ZNF385D: variants seen among roughly 807,000 people sequenced by gnomAD.
ZNF385D encodes the protein zinc finger protein 659.
A neutral mutation model predicts 35.8 loss-of-function variants in ZNF385D; 15 were observed. The observed-to-expected ratio is 0.42, with a 90% CI of 0.28 to 0.64. The LOEUF (loss-of-function observed/expected upper bound fraction) is 0.64. Among genes scored for constraint, ZNF385D ranks in the 30% least tolerant of loss-of-function variants. ZNF385D has a pLI of 0.23. For synonymous variants in ZNF385D, 212 were observed against 186.8 expected (o/e 1.13, Z -1.10); for missense variants, 474 against 494.6 (o/e 0.96, Z 0.39).
chr3:21,582,831 G>A (rs1003449545), intron 2 of ZNF385D, among the ~76,000 whole-genome samples: 6 of 152,084 alleles, frequency 3.9e-5, no homozygotes, highest in Middle Eastern at 3.4e-3. Context: ...AGGCTGGAGT[G>A]CAGTGGCGCC....
intron 2 of ZNF385D, among the ~76,000 whole-genome samples, chr3:22,221,060 T>C (rs1046565594): frequency 2.0e-5 from 3 of 152,116 alleles, no homozygotes; most frequent in Non-Finnish European, 4.4e-5. Context: ...CAATAGCATA[T>C]AATCAGATCT....
At chr3:22,248,323 T>G (rs1699895773) in intron 2 of ZNF385D, among the ~76,000 whole-genome samples, 1 of 152,168 alleles carries the variant, frequency 6.6e-6, no homozygotes, top group South Asian at 2.1e-4. Flanking sequence ...TTGATGAAAT[T>G]GAACTTTCCT....
At chr3:21,951,876 T>C (rs2125299725) in intron 3 of ZNF385D, among the ~76,000 whole-genome samples, 1 of 151,826 alleles carries the variant, frequency 6.6e-6, no homozygotes, top group Admixed American at 6.6e-5. Flanking sequence ...AGAAAAACTT[T>C]CCATTTCTGC....
intron 3 of ZNF385D, among the ~76,000 whole-genome samples, chr3:22,076,190 G>C (rs1026896633): frequency 3.3e-5 from 5 of 151,740 alleles, no homozygotes; most frequent in Admixed American, 1.3e-4. Flanking sequence ...ATCAGATCTT[G>C]TAACTCACCA....
intron 3 of ZNF385D, among the ~76,000 whole-genome samples, chr3:21,818,549 C>T (rs1020312169): frequency 2.0e-5 from 3 of 151,962 alleles, no homozygotes; most frequent in Non-Finnish European, 4.4e-5. Context: ...AGAGAGATAT[C>T]CCAAAATATT....
chr3:21,993,931 C>T (rs987899179), intron 3 of ZNF385D, among the ~76,000 whole-genome samples: 3 of 152,104 alleles, frequency 2.0e-5, no homozygotes, highest in Non-Finnish European at 2.9e-5. Flanking sequence ...CATCATGTCC[C>T]CTCAATTAAG....
At chr3:21,731,678 C>T (rs528629465) in intron 1 of ZNF385D, among the ~76,000 whole-genome samples, 4 of 152,128 alleles carry the variant, frequency 2.6e-5, no homozygotes, top group Admixed American at 2.0e-4. Flanking sequence ...TGTCCTATAA[C>T]CCCTGGCAAT....
At chr3:22,182,987 G>A (rs1695386197) in intron 2 of ZNF385D, among the ~76,000 whole-genome samples, 1 of 152,020 alleles carries the variant, frequency 6.6e-6, no homozygotes, top group Admixed American at 6.6e-5. Flanking sequence ...AAATGTGAAA[G>A]ATTAAGTATT....
intron 1 of ZNF385D, among the ~76,000 whole-genome samples, chr3:21,736,661 A>T (rs1252806122): frequency 6.6e-6 from 1 of 152,184 alleles, no homozygotes; most frequent in Admixed American, 6.5e-5. Context: ...TTTTTGAATA[A>T]CCAGACTAAC....
intron 3 of ZNF385D, among the ~76,000 whole-genome samples, chr3:22,107,844 G>C (rs558822354): frequency 6.6e-6 from 1 of 152,014 alleles, no homozygotes; most frequent in African/African-American, 2.4e-5. Context: ...GGCATGGTTT[G>C]AATGTGTCTG....
At chr3:22,338,634 A>AT (rs1306975350) in intron 2 of ZNF385D, among the ~76,000 whole-genome samples, 1 of 151,432 alleles carries the variant, frequency 6.6e-6, no homozygotes, top group African/African-American at 2.4e-5. Context: ...ATGTAACAAG[A>AT]TTTTTAGTTT....
intron 3 of ZNF385D, among the ~76,000 whole-genome samples, chr3:22,108,874 C>T (rs914253068): frequency 5.3e-5 from 8 of 151,806 alleles, no homozygotes; most frequent in Non-Finnish European, 7.4e-5. Context: ...TAGCTGTGTG[C>T]GGTGGTAGGT....
intron 3 of ZNF385D, among the ~76,000 whole-genome samples, chr3:22,038,194 A>G (rs1271688753): frequency 6.6e-6 from 1 of 152,206 alleles, no homozygotes; most frequent in Non-Finnish European, 1.5e-5. Flanking sequence ...AACAAGATGA[A>G]TAATGACACA....
chr3:21,894,995 A>G (rs750777879), intron 3 of ZNF385D, among the ~76,000 whole-genome samples: 3 of 152,144 alleles, frequency 2.0e-5, no homozygotes, highest in Non-Finnish European at 2.9e-5. Flanking sequence ...TAATGATGGC[A>G]TGCATAAAGT....
chr3:21,895,315 G>T, intron 3 of ZNF385D, among the ~76,000 whole-genome samples: 3 of 131,054 alleles, frequency 2.3e-5, no homozygotes, highest in Admixed American at 8.0e-5. Flanking sequence ...ACTGAAATGT[G>T]TGGCTTTTTT....
chr3:21,865,404 CAA>C (rs1697293187), intron 3 of ZNF385D, among the ~76,000 whole-genome samples: 1 of 152,006 alleles, frequency 6.6e-6, no homozygotes, highest in Non-Finnish European at 1.5e-5. Flanking sequence ...AGCAATTTAA[CAA>C]AGTCACTTAC....
intron 3 of ZNF385D, among the ~76,000 whole-genome samples, chr3:21,914,926 A>T (rs1389556224): frequency 6.9e-6 from 1 of 144,074 alleles, no homozygotes; most frequent in African/African-American, 2.5e-5. Context: ...AAAATTCAGT[A>T]AAAAAAAAAA....
chr3:21,799,805 G>A (rs529104519), intron 3 of ZNF385D, among the ~76,000 whole-genome samples: 4 of 151,964 alleles, frequency 2.6e-5, no homozygotes, highest in African/African-American at 4.8e-5. Context: ...CTTTTGAAAC[G>A]ATATGTAAAA....
intron 3 of ZNF385D, among the ~76,000 whole-genome samples, chr3:21,553,605 A>G (rs1432107015): frequency 6.6e-6 from 1 of 152,180 alleles, no homozygotes; most frequent in Non-Finnish European, 1.5e-5. Flanking sequence ...TGTTGCATCT[A>G]GAACTCTTTT....
Sources: gnomAD v4.1 joint callset for allele counts (sites outside exome capture counted in the v4.1 genomes callset) on GRCh38, gnomAD v4.1.1 for gene constraint, MANE v1.5 for transcripts, NCBI Gene and HGNC (gene_info 2026-07-23, HGNC 2026-07-21) for gene names.